Variants in SH3RF1 observed in about 807,000 individuals in gnomAD.
SH3RF1 encodes the protein E3 ubiquitin-protein ligase SH3RF1.
In SH3RF1, 32 loss-of-function variants were observed where a neutral mutation model predicts 74.0. That is an observed-to-expected ratio of 0.43 (90% CI 0.33 to 0.58). The LOEUF (loss-of-function observed/expected upper bound fraction) is 0.58, where lower values mean the gene tolerates loss of function less well. Among genes scored for constraint, SH3RF1 ranks in the 20% least tolerant of loss-of-function variants. The pLI is 0.05. For synonymous variants in SH3RF1, 396 were observed against 439.6 expected (o/e 0.90, Z 1.24); for missense variants, 954 against 1,130.9 (o/e 0.84, Z 2.24).
chr4:169,174,124 C>T (rs898357680), intron 2 of SH3RF1, among the ~76,000 whole-genome samples: 2 of 151,964 alleles, frequency 1.3e-5, no homozygotes, highest in Admixed American at 6.5e-5. Context: ...AGTGCAGTGG[C>T]GCAATCATGG....
At chr4:169,110,299 G>A (rs1733218969) in intron 10 of SH3RF1, among the ~76,000 whole-genome samples, 1 of 146,326 alleles carries the variant, frequency 6.8e-6, no homozygotes, top group Non-Finnish European at 1.5e-5. Context: ...CTGCAGTGAG[G>A]TATGATTGCA....
At chr4:169,237,188 G>C (rs529811046) in intron 2 of SH3RF1, among the ~76,000 whole-genome samples, 18 of 152,338 alleles carry the variant, frequency 1.2e-4, no homozygotes, top group African/African-American at 4.1e-4. Context: ...ACAATAAGCA[G>C]AAGAGGAGTG....
chr4:169,227,805 G>A (rs1246610631), intron 2 of SH3RF1, among the ~76,000 whole-genome samples: 3 of 152,152 alleles, frequency 2.0e-5, no homozygotes, highest in Admixed American at 6.5e-5. Flanking sequence ...AAAGGGCTAC[G>A]GGATAGACAG....
At chr4:169,121,666 C>T (rs933942924) in intron 7 of SH3RF1, among the ~76,000 whole-genome samples, 3 of 152,142 alleles carry the variant, frequency 2.0e-5, no homozygotes, top group Non-Finnish European at 4.4e-5. Context: ...GCAGGATCCA[C>T]GAAGACCTGG....
chr4:169,108,063 T>C (rs535232272), intron 10 of SH3RF1, among the ~76,000 whole-genome samples: 63 of 152,348 alleles, frequency 4.1e-4, no homozygotes, highest in African/African-American at 1.5e-3. Flanking sequence ...GAAAATCAGA[T>C]GTCAAGAGAG....
At chr4:169,194,236 C>G (rs1361729327) in intron 2 of SH3RF1, among the ~76,000 whole-genome samples, 1 of 152,152 alleles carries the variant, frequency 6.6e-6, no homozygotes, top group Admixed American at 6.5e-5. Context: ...TAAAACTGCA[C>G]AAAACCAAGA....
In SH3RF1 at chr4:169,224,321, A is replaced by ATT. The variant is rs11459151; in HGVS notation, c.393+44497_393+44498dup. Among the ~76,000 whole-genome samples, 282 of 146,414 alleles carry ATT rather than the reference A, an allele frequency of 1.9e-3. 2 individuals carry two copies. The highest frequency in any genetic ancestry group is 0.016 in the East Asian group (82 of 4,990). ...CTAGAAGGCCATGATCTAATTTCCT[A>ATT]TTTTTTTTTTTTTTGAAATGGAGTC... On this transcript the variant is annotated intron_variant, in intron 2 of 11. Coordinates refer to ENST00000284637, the MANE Select transcript of SH3RF1 (RefSeq NM_020870.4).
In SH3RF1 at chr4:169,120,963, G is replaced by A. The variant is rs1409412731; in HGVS notation, c.1373C>T (p.Pro458Leu). The change falls in exon 8 of 12, where the codon CCT becomes CTT. Residue 458 changes from proline to leucine, a missense_variant. Around this residue, in one of 3 missense-constraint regions of SH3RF1, gnomAD observed 854 missense variants for 962.5 expected, o/e 0.89. Coordinates refer to ENST00000284637, the MANE Select transcript of SH3RF1 (RefSeq NM_020870.4). ...SVYVAIYPYT[P>L]RKEDELELRK... ...CAGCTCTAGTTCATCCTCTTTCCGA[G>A]GAGTGTATGGATATATAGCAACATA... is the stretch of plus-strand genomic sequence containing the variant. The A allele has an allele frequency of 1.2e-6, 2 of 1,613,822 alleles. No individual in the cohort carries two copies. The highest frequency in any genetic ancestry group is 1.7e-6 in the Non-Finnish European group (2 of 1,179,878).
At chr4:169,125,101 A>T (rs1733502916) in intron 6 of SH3RF1, among the ~76,000 whole-genome samples, 6 of 152,200 alleles carry the variant, frequency 3.9e-5, no homozygotes. Context: ...GCTAATGGGA[A>T]ATGGTCATAT....
intron 10 of SH3RF1, among the ~76,000 whole-genome samples, chr4:169,114,400 C>G (rs777378063): frequency 6.6e-6 from 1 of 152,202 alleles, no homozygotes; most frequent in Admixed American, 6.5e-5. Flanking sequence ...ATAATTCAGG[C>G]TAACCACCTT....
chr4:169,174,148 C>T (rs750850432), intron 2 of SH3RF1, among the ~76,000 whole-genome samples: 4 of 152,074 alleles, frequency 2.6e-5, no homozygotes, highest in Non-Finnish European at 4.4e-5. Context: ...ACTGCAGCCC[C>T]GACCTCCGGG....
At chr4:169,212,057 CTTTTTTTTT>C (rs34108534) in intron 2 of SH3RF1, among the ~76,000 whole-genome samples, 83 of 48,268 alleles carry the variant, frequency 1.7e-3, no homozygotes, top group Admixed American at 0.013. Flanking sequence ...CTTTTCTTTT[CTTTTTTTTT>C]TTTTTTTTTT....
chr4:169,119,278 ATTTTTTTTTT>A (rs11397253), intron 8 of SH3RF1, among the ~76,000 whole-genome samples: 20 of 66,394 alleles, frequency 3.0e-4, no homozygotes, highest in African/African-American at 1.1e-3. Flanking sequence ...TAATTTTTGT[ATTTTTTTTTT>A]TTTTTTTTTT....
intron 4 of SH3RF1, among the ~76,000 whole-genome samples, chr4:169,154,438 A>G (rs1734020305): frequency 6.6e-6 from 1 of 152,204 alleles, no homozygotes; most frequent in South Asian, 2.1e-4. Flanking sequence ...CAAATGCCTC[A>G]GATAAAAAGA....
At chr4:169,182,035 C>A (rs564769991) in intron 2 of SH3RF1, among the ~76,000 whole-genome samples, 19 of 152,050 alleles carry the variant, frequency 1.2e-4, no homozygotes, top group Non-Finnish European at 2.2e-4. Flanking sequence ...GAGCTATGCC[C>A]AGCACATAGT....
intron 2 of SH3RF1, among the ~76,000 whole-genome samples, chr4:169,257,173 C>T (rs1731204991): frequency 6.6e-6 from 1 of 152,158 alleles, no homozygotes; most frequent in African/African-American, 2.4e-5. Context: ...CCTGCTTTTC[C>T]TATTACCAGA....
chr4:169,182,322 G>T (rs557783408), intron 2 of SH3RF1, among the ~76,000 whole-genome samples: 17 of 152,318 alleles, frequency 1.1e-4, no homozygotes, highest in African/African-American at 4.1e-4. Context: ...ACAAAGGAGG[G>T]TGACCCAAAA....
At chr4:169,217,033 C>T (rs1227028829) in intron 2 of SH3RF1, among the ~76,000 whole-genome samples, 2 of 146,276 alleles carry the variant, frequency 1.4e-5, no homozygotes, top group Non-Finnish European at 3.0e-5. Flanking sequence ...TGTGGTGGTA[C>T]ATGTCTGTAG....
Position 169,130,090 on chromosome 4 carries a change from A to AGG in SH3RF1, c.1133_1134dup (p.Ser379ProfsTer18), listed in dbSNP as rs1273581534. ...GGAACATCTGATGGGAAAGTAAACG[A>AGG]GGGGCCAGTTGTCACTGGGCTGCTT... On this transcript the variant is annotated frameshift_variant, in exon 6 of 12. Coordinates refer to ENST00000284637, the MANE Select transcript of SH3RF1 (RefSeq NM_020870.4). LOFTEE classifies it high-confidence loss of function. 1 of 1,613,560 alleles carries AGG rather than the reference A, an allele frequency of 6.2e-7. No individual in the cohort carries two copies. Among genetic ancestry groups the AGG allele is most frequent in the Non-Finnish European group, 8.5e-7 (1 of 1,179,860 alleles).
Sources: allele counts gnomAD v4.1 joint callset (sites outside exome capture counted in the v4.1 genomes callset), GRCh38; gene constraint gnomAD v4.1.1; regional missense constraint gnomAD v4.1.1; transcripts MANE v1.5; gene names NCBI Gene and HGNC (gene_info 2026-07-23, HGNC 2026-07-21).